Variants in ABHD12B observed in about 807,000 individuals in gnomAD.
ABHD12B encodes the protein protein ABHD12B.
ABHD12B carries 42 observed loss-of-function variants against 50.4 expected under a neutral mutation model. The observed-to-expected ratio is 0.83, with a 90% CI of 0.65 to 1.08. The LOEUF (loss-of-function observed/expected upper bound fraction) is 1.08, where lower values mean the gene tolerates loss of function less well. ABHD12B is among the 50% of genes least tolerant of loss of function. The probability of loss-of-function intolerance (pLI) is 0.00; values close to 1 mark genes in which losing one functional copy is unlikely to be tolerated. For missense variants in ABHD12B, 479 were observed against 447.7 expected (o/e 1.07, Z -0.63); for synonymous variants, 167 against 160.3 (o/e 1.04, Z -0.32).
At position 50,884,189 on chromosome 14, in the gene ABHD12B, TTTC is replaced by T. The variant is rs532093870; in HGVS notation, c.487-1419_487-1417del. 2.5e-3 allele frequency among the ~76,000 whole-genome samples: 376 copies of T among 152,336 alleles called. 2 individuals are homozygous for T. The highest frequency in any genetic ancestry group is 8.5e-3 in the African/African-American group (353 of 41,574). On this transcript the variant is annotated intron_variant, in intron 5 of 12. Transcript: ENST00000337334. The stretch of plus-strand genomic sequence containing the variant: ...TCAGAAAACTATAAGCATCTAGATT[TTTC>T]TTCTTTCATGTCTTTTTCCTAGAAA...
chr14:50,886,034 G>T, intron 7 of ABHD12B, 139 bp downstream of exon 7: 1 of 1,258,924 alleles, frequency 7.9e-7, no homozygotes, highest in South Asian at 1.4e-5. Flanking sequence ...CACTAGAAGT[G>T]GCTGAAGATC....
chr14:50,875,135 C>G (rs2356534), intron 1 of ABHD12B, among the ~76,000 whole-genome samples: 151,762 of 152,350 alleles, frequency 1, 75,590 homozygotes, highest in Middle Eastern at 1. Flanking sequence ...AAAGCCATCA[C>G]AGAACAATTC....
rs1238368847 is a variant in ABHD12B, at chr14:50,877,980, G to A, written c.133G>A (p.Gly45Arg). 10 of 1,533,328 alleles carry A rather than the reference G, an allele frequency of 6.5e-6. No individual in the cohort carries two copies. The highest frequency in any genetic ancestry group is 1.4e-5 in the African/African-American group (1 of 72,868). 95.0% of individuals were successfully genotyped at this position (1,533,328 alleles called of 1,614,324 possible). ...RYFPHSCSML[G>R]RKIAALYDSF... ...TTTTCCACACTCCTGTTCAATGCTC[G>A]GAAGAAAAATTGCTGCTCTGTATGA... The change falls in exon 2 of 13, where the codon GGA becomes AGA. Residue 45 changes from glycine to arginine, a missense_variant. Physicochemically the swap from Gly to Arg is moderately radical, Grantham distance 125 (BLOSUM62 -2). Transcript: ENST00000337334.
Position 50,892,376 on chromosome 14 carries a change from C to T in ABHD12B, c.780+3473C>T, listed in dbSNP as rs186925368. The T allele has an allele frequency of 4.9e-5, 48 of 981,680 alleles. 1 individual carries two copies. Among genetic ancestry groups the T allele is most frequent in the Middle Eastern group, 5.2e-4 (1 of 1,912 alleles). 60.8% of individuals were successfully genotyped at this position (981,680 alleles called of 1,614,324 possible). ...GAAAGGGGGAAGAGCAGAACAAGGACGTGACCTCAGGCAAAGTCTAGCTTT... is the reference window on the plus strand; with the variant it reads ...GAAAGGGGGAAGAGCAGAACAAGGATGTGACCTCAGGCAAAGTCTAGCTTT... On this transcript the variant is annotated intron_variant, in intron 9 of 12. Coordinates refer to ENST00000337334, the MANE Select transcript of ABHD12B (RefSeq NM_001206673.2).
intron 5 of ABHD12B, among the ~76,000 whole-genome samples, chr14:50,883,476 G>A (rs1050430856): frequency 4.6e-5 from 7 of 152,216 alleles, no homozygotes; most frequent in Admixed American, 4.6e-4. Context: ...GTGTTGCCCA[G>A]GAGTACCATG....
At chr14:50,886,566 C>A (rs562818072) in intron 7 of ABHD12B, 81 bp from the exon 8 acceptor site, 3 of 1,370,340 alleles carry the variant, frequency 2.2e-6, no homozygotes, top group East Asian at 2.3e-5. Flanking sequence ...GAGCCCAGAG[C>A]TTTTATCAGA....
At chr14:50,897,547 C>G (rs2050213177) in intron 9 of ABHD12B, among the ~76,000 whole-genome samples, 1 of 152,076 alleles carries the variant, frequency 6.6e-6, no homozygotes, top group Non-Finnish European at 1.5e-5. Context: ...TTGATCTCAA[C>G]AGGACATAAA....
chr14:50,882,283 G>A (rs901482097), intron 5 of ABHD12B, among the ~76,000 whole-genome samples: 1 of 148,456 alleles, frequency 6.7e-6, no homozygotes, highest in African/African-American at 2.5e-5. Context: ...GGTTGAGAGA[G>A]TATTATTAAG....
chr14:50,881,893 C>T (rs1443493042), intron 5 of ABHD12B, among the ~76,000 whole-genome samples: 1 of 152,070 alleles, frequency 6.6e-6, no homozygotes, highest in African/African-American at 2.4e-5. Flanking sequence ...TTTTTATTTG[C>T]TTTCTCTGAG....
chr14:50,877,251 G>A (rs1364267170), intron 1 of ABHD12B, among the ~76,000 whole-genome samples: 1 of 152,078 alleles, frequency 6.6e-6, no homozygotes, highest in East Asian at 1.9e-4. Context: ...GAGGATCTAG[G>A]GATTATTCCC....
At position 50,904,943 on chromosome 14, in the gene ABHD12B, G is replaced by T; in HGVS notation, c.*577G>T. ...GACTTCCCAGCCCCCAGAACTGTGA[G>T]AAATAAATTTCTGTTGTTTATAAGC... On this transcript the variant is annotated 3_prime_UTR_variant, in exon 13 of 13. Transcript: ENST00000337334. 4.0e-6 allele frequency: 1 copy of T among 247,892 alleles called. No homozygotes were observed. The highest frequency in any genetic ancestry group is 7.7e-6 in the Non-Finnish European group (1 of 130,614). 15.4% of individuals were successfully genotyped at this position (247,892 alleles called of 1,614,324 possible).
At chr14:50,896,108 T>C (rs927717044) in intron 9 of ABHD12B, among the ~76,000 whole-genome samples, 1 of 152,106 alleles carries the variant, frequency 6.6e-6, no homozygotes, top group African/African-American at 2.4e-5. Flanking sequence ...TGACCGATCA[T>C]GCACCCCTTA....
chr14:50,894,276 GC>G (rs781712970), intron 9 of ABHD12B, among the ~76,000 whole-genome samples: 11 of 151,424 alleles, frequency 7.3e-5, no homozygotes, highest in Non-Finnish European at 1.3e-4. Flanking sequence ...TTCCTAGGGG[GC>G]AAAAAACCCC....
intron 5 of ABHD12B, among the ~76,000 whole-genome samples, chr14:50,882,373 CTTT>C (rs386381352): frequency 2.4e-4 from 20 of 81,844 alleles, no homozygotes; most frequent in African/African-American, 8.8e-4. Flanking sequence ...AGAATGTCTG[CTTT>C]TTTTTTTTTT....
chr14:50,884,550 T>G (rs2050006789), intron 5 of ABHD12B, among the ~76,000 whole-genome samples: 1 of 152,176 alleles, frequency 6.6e-6, no homozygotes, highest in South Asian at 2.1e-4. Flanking sequence ...ATAAGTTACT[T>G]AAGCTCCACA....
At chr14:50,887,247 T>C (rs1207207746) in intron 8 of ABHD12B, among the ~76,000 whole-genome samples, 1 of 129,364 alleles carries the variant, frequency 7.7e-6, no homozygotes, top group East Asian at 2.4e-4. Context: ...CCTAGTGATA[T>C]CATATTAATT....
intron 1 of ABHD12B, 64 bp from the exon 2 acceptor site, chr14:50,877,888 A>G: frequency 6.9e-7 from 1 of 1,447,942 alleles, no homozygotes; most frequent in East Asian, 2.6e-5. Flanking sequence ...AAGAAAAAGA[A>G]AAAAACAAAC....
intron 8 of ABHD12B, among the ~76,000 whole-genome samples, chr14:50,887,883 T>C (rs1192703267): frequency 6.6e-6 from 1 of 152,208 alleles, no homozygotes; most frequent in African/African-American, 2.4e-5. Context: ...ATTTCTGTCA[T>C]TTGGATTAGG....
intron 1 of ABHD12B, among the ~76,000 whole-genome samples, chr14:50,877,562 T>A (rs1344200114): frequency 1.3e-5 from 2 of 152,090 alleles, no homozygotes; most frequent in Admixed American, 1.3e-4. Context: ...TGTAGATAAT[T>A]CCTTGTCATT....
Sources: allele counts gnomAD v4.1 joint callset (sites outside exome capture counted in the v4.1 genomes callset), GRCh38; gene constraint gnomAD v4.1.1; transcripts MANE v1.5; gene names NCBI Gene and HGNC (gene_info 2026-07-23, HGNC 2026-07-21).